Variants in BAHCC1 observed in about 807,000 individuals in gnomAD.
BAHCC1 encodes the protein BAH domain and coiled-coil containing 1, also known as BAH and coiled-coil domain-containing protein 1.
In BAHCC1, 43 loss-of-function variants were observed where a neutral mutation model predicts 88.2. The observed-to-expected ratio is 0.49, with a 90% confidence interval of 0.38 to 0.63. The LOEUF is 0.63. Ranked by LOEUF, BAHCC1 falls within the 20% of genes least tolerant of loss-of-function variation. The pLI is 0.00. For missense variants in BAHCC1, 3,023 were observed against 1,654.8 expected (o/e 1.83, Z -14.34); for synonymous variants, 1,510 against 745.5 (o/e 2.03, Z -16.71).
At chr17:81,455,577 G>A (rs1003971080) in intron 15 of BAHCC1, among the ~76,000 whole-genome samples, 187 bp downstream of exon 15, 1 of 152,210 alleles carries the variant, frequency 6.6e-6, no homozygotes, top group Non-Finnish European at 1.5e-5. Flanking sequence ...ACACAGGAAG[G>A]TCTGACCGGG....
chr17:81,412,269 T>G (rs1303252636), intron 2 of BAHCC1, among the ~76,000 whole-genome samples: 1 of 152,290 alleles, frequency 6.6e-6, no homozygotes, highest in Admixed American at 6.5e-5. Flanking sequence ...AGAGTTTTCA[T>G]ATCCCTTTGG....
In BAHCC1 at chr17:81,460,650, A is replaced by G. The variant is rs377747234; in HGVS notation, c.6146A>G (p.Asp2049Gly). The part of the protein sequence containing the change: ...ATPSLSPKAQ[D>G]GPEALKTPGK... ...CCCAGCCTGTCCCCCAAAGCACAGG[A>G]CGGCCCCGAAGCTTTGAAGACACCT... is the stretch of plus-strand genomic sequence containing the variant. Residue 2049 changes from aspartate to glycine, a missense_variant, in exon 25 of 28, where the codon GAC becomes GGC. Transcript: ENST00000675386. 3.9e-6 allele frequency: 3 copies of G among 772,046 alleles called. No individual in the cohort carries two copies. The highest frequency in any genetic ancestry group is 1.7e-5 in the Admixed American group (1 of 57,810). The allele number at this position is 772,046 out of a possible 1,614,324, so 47.8% of individuals were successfully genotyped here.
intron 10 of BAHCC1, among the ~76,000 whole-genome samples, chr17:81,446,275 C>CG (rs2064525174): frequency 6.6e-6 from 1 of 152,046 alleles, no homozygotes; most frequent in African/African-American, 2.4e-5. Flanking sequence ...TTTTTCCCTT[C>CG]GTTTTTTTTT....
intron 2 of BAHCC1, among the ~76,000 whole-genome samples, chr17:81,426,058 G>GGTGGTT (rs2064191924): frequency 3.9e-4 from 1 of 2,538 alleles, no homozygotes; most frequent in Non-Finnish European, 1.1e-3. Flanking sequence ...TGGTGGTGGT[G>GGTGGTT]GTGGGTGATG....
At chr17:81,401,463 A>G (rs554750501) in intron 2 of BAHCC1, 1 of 152,784 alleles carries the variant, frequency 6.5e-6, no homozygotes, top group African/African-American at 2.4e-5. Context: ...GCGATGGGTG[A>G]TTTAAAAATA....
chr17:81,412,777 G>A (rs1448859593), intron 2 of BAHCC1, among the ~76,000 whole-genome samples: 18 of 152,356 alleles, frequency 1.2e-4, no homozygotes, highest in South Asian at 2.1e-4. Context: ...TTAAAACAGC[G>A]AACATTGATT....
chr17:81,398,230 A>AG (rs1341301156), intron 1 of BAHCC1, among the ~76,000 whole-genome samples: 1 of 152,220 alleles, frequency 6.6e-6, no homozygotes, highest in African/African-American at 2.4e-5. Context: ...GCGCCTTCGG[A>AG]GGGACGCCTG....
intron 3 of BAHCC1, among the ~76,000 whole-genome samples, chr17:81,437,280 C>T (rs1029499607): frequency 5.3e-5 from 8 of 152,266 alleles, no homozygotes; most frequent in African/African-American, 1.4e-4. Flanking sequence ...TCGGCCCTCA[C>T]GTTCAGGCAG....
rs1359612165 is a variant in BAHCC1 at position 81,411,854 on chromosome 17, C to T, written c.178+11937C>T. Among the ~76,000 whole-genome samples, 2 of 152,250 alleles carry T rather than the reference C, an allele frequency of 1.3e-5. No individual in the cohort carries two copies. The highest frequency in any genetic ancestry group is 1.5e-5 in the Non-Finnish European group (1 of 68,046). On this transcript the variant is annotated intron_variant, in intron 2 of 27. Transcript: ENST00000675386. The surrounding 1 kb of genome is among the most constrained non-coding windows in gnomAD (Gnocchi z 6.2). ...AAGCCCCTCACCGCCCCGGCCCCTG[C>T]CCCTCCACACCCTGGTCACTCTTCC...
chr17:81,456,720 A>T, intron 16 of BAHCC1, 135 bp downstream of exon 16: 3 of 581,712 alleles, frequency 5.2e-6, no homozygotes, highest in Non-Finnish European at 9.1e-6. Context: ...GTCCAAGGAG[A>T]CGTTTTCACT....
intron 23 of BAHCC1, 58 bp downstream of exon 23, chr17:81,459,662 A>T (rs1274217619): frequency 1.3e-6 from 1 of 774,524 alleles, no homozygotes; most frequent in Non-Finnish European, 2.4e-6. Context: ...ACAGGCTCAT[A>T]TCTGCCCCCA....
At position 81,399,252 on chromosome 17, in the gene BAHCC1, C is replaced by G. The variant is rs1311136087; in HGVS notation, c.-206-282C>G. On this transcript the variant is annotated intron_variant, in intron 1 of 27. Transcript: ENST00000675386. This position sits in a 1 kb window ranked among gnomAD's most constrained non-coding sequence, Gnocchi z 4.5. ...CCCTAGCTGCAGGGACCCGCGGGGA[C>G]GAGAACGGGAGGCGGCGAGCAGTGC... 2 of 400,198 alleles carry G rather than the reference C, an allele frequency of 5.0e-6. No homozygotes were observed. Among genetic ancestry groups the G allele is most frequent in the Non-Finnish European group, 1.0e-5 (2 of 198,576 alleles). The allele number at this position is 400,198 out of a possible 1,614,324, so 24.8% of individuals were successfully genotyped here.
At position 81,458,375 on chromosome 17, in the gene BAHCC1, C is replaced by T. The variant is rs782781552; in HGVS notation, c.5252C>T (p.Ala1751Val). 5 of 724,074 alleles carry T rather than the reference C, an allele frequency of 6.9e-6. No individual in the cohort carries two copies. Among genetic ancestry groups the T allele is most frequent in the African/African-American group, 1.7e-5 (1 of 57,716 alleles). 44.9% of individuals were successfully genotyped at this position (724,074 alleles called of 1,614,324 possible). ...GACGCCCTCTTCAACCCCTCTCGGGCCTTCGCCTGCCGTGAGGAGGGCAGC... is the reference window on the plus strand; with the variant it reads ...GACGCCCTCTTCAACCCCTCTCGGGTCTTCGCCTGCCGTGAGGAGGGCAGC... ...SRDALFNPSRAFACREEGSQL... is the reference protein window; with the variant it reads ...SRDALFNPSRVFACREEGSQL... Residue 1751 changes from alanine to valine, a missense_variant, in exon 18 of 28, where the codon GCC becomes GTC. By Grantham distance (64) the Ala-to-Val change is moderately conservative (BLOSUM62 0). Transcript: ENST00000675386.
rs1555652787 is a variant in BAHCC1 at position 81,442,390 on chromosome 17, C to G, written c.1041C>G (p.Thr347=). 1 of 702,220 alleles carries G rather than the reference C, an allele frequency of 1.4e-6. No individual in the cohort carries two copies. The highest frequency in any genetic ancestry group is 2.6e-6 in the Non-Finnish European group (1 of 380,142). 43.5% of individuals were successfully genotyped at this position (702,220 alleles called of 1,614,324 possible). A position where few individuals can be genotyped will look rare whatever the true frequency, so the allele number is the denominator to read the frequency against. ...CLERRQMLHH[T]ASYAGPPPPL... The stretch of plus-strand genomic sequence containing the variant: ...AGCGGCGGCAGATGCTACACCACAC[C>G]GCATCCTACGCCGGGCCACCCCCGC... Residue 347 remains threonine, a synonymous_variant, in exon 5 of 28, where the codon ACC becomes ACG. Transcript: ENST00000675386.
rs1225109337 is a variant in BAHCC1, at chr17:81,399,842, C to G, written c.103C>G (p.Pro35Ala). The G allele has an allele frequency of 1.6e-5, 22 of 1,366,312 alleles. No homozygotes were observed. The Admixed American group carries it at 7.8e-4, about 48-fold the overall frequency. The allele number at this position is 1,366,312 out of a possible 1,614,324, so 84.6% of individuals were successfully genotyped here. A position where few individuals can be genotyped will look rare whatever the true frequency, so the allele number is the denominator to read the frequency against. The change falls in exon 2 of 28, where the codon CCC becomes GCC. Residue 35 changes from proline (P) to alanine (A), a missense_variant. Transcript: ENST00000675386. The surrounding 1 kb of genome is among the most constrained non-coding windows in gnomAD (Gnocchi z 4.5). ...CGCCGCGCGTCTCGCCCCGGCTGGG[C>G]CCGCCGCGCAGCCCCCCGCACACTT... The part of the protein sequence containing the change: ...AAAARLAPAG[P>A]AAQPPAHFQP...
Position 81,434,063 on chromosome 17 carries a change from G to A in BAHCC1, c.359-4307G>A, listed in dbSNP as rs547927881. On this transcript the variant is annotated intron_variant, in intron 3 of 27. Transcript: ENST00000675386. This position sits in a 1 kb window ranked among gnomAD's most constrained non-coding sequence, Gnocchi z 4.9. ...AGCAGGGACCACTTGCCAGGCCAGGGGTCTCCCGGGACTCCCCTGGGGTCA... is the reference window on the plus strand; with the variant it reads ...AGCAGGGACCACTTGCCAGGCCAGGAGTCTCCCGGGACTCCCCTGGGGTCA... Among the ~76,000 whole-genome samples, 75 of 152,298 alleles carry A rather than the reference G, an allele frequency of 4.9e-4. No individual in the cohort carries two copies. Among genetic ancestry groups the A allele is most frequent in the South Asian group, 2.3e-3 (11 of 4,822 alleles).
intron 1 of BAHCC1, chr17:81,395,837 G>A (rs1370392181): frequency 6.7e-6 from 1 of 149,888 alleles, no homozygotes; most frequent in African/African-American, 2.5e-5. Flanking sequence ...TATGGACTAT[G>A]AGCGATTTTT....
Position 81,444,513 on chromosome 17 carries a change from C to T in BAHCC1, c.2457C>T (p.Pro819=), listed in dbSNP as rs782546929. 2.9e-6 allele frequency: 2 copies of T among 695,880 alleles called. No individual in the cohort carries two copies. The highest frequency in any genetic ancestry group is 3.5e-5 in the African/African-American group (2 of 57,160). 43.1% of individuals were successfully genotyped at this position (695,880 alleles called of 1,614,324 possible). ...CAGCCCCCCACACCCACCCCCATCC[C>T]CCCTGGCTGCCCCGCACCCGCAGCC... is the stretch of plus-strand genomic sequence containing the variant. ...GDPAPHTHPH[P]PWLPRTRSPS... is the part of the protein sequence containing the mutation. The change falls in exon 7 of 28, where the codon CCC becomes CCT. Residue 819 remains proline (P), a synonymous_variant. Coordinates refer to ENST00000675386, the MANE Select transcript of BAHCC1 (RefSeq NM_001377448.1).
intron 2 of BAHCC1, among the ~76,000 whole-genome samples, chr17:81,425,293 G>A (rs1188085325): frequency 7.8e-6 from 1 of 128,784 alleles, no homozygotes; most frequent in Non-Finnish European, 1.6e-5. Flanking sequence ...TGTGTAGTTG[G>A]GGGTGATAGT....
Sources: gnomAD v4.1 joint callset for allele counts (sites outside exome capture counted in the v4.1 genomes callset) on GRCh38, gnomAD v4.1.1 for gene constraint, Gnocchi (gnomAD v3.1) non-coding constraint, MANE v1.5 for transcripts, NCBI Gene and HGNC (gene_info 2026-07-23, HGNC 2026-07-21) for gene names.